The following HOMER2 variants were observed in gnomAD, a reference collection of about 807,000 sequenced individuals.
The protein encoded by HOMER2 is homer scaffold protein 2, also known as homer protein homolog 2.
HOMER2 carries 27 observed loss-of-function variants against 47.0 expected under a neutral mutation model. The observed-to-expected ratio is 0.57, with a 90% confidence interval of 0.42 to 0.79. The LOEUF (loss-of-function observed/expected upper bound fraction) is 0.79, where lower values mean the gene tolerates loss of function less well. Ranked by LOEUF, HOMER2 falls within the 30% of genes least tolerant of loss-of-function variation. HOMER2 has a pLI of 0.00. For missense variants in HOMER2, 443 were observed against 435.0 expected, an observed-to-expected ratio of 1.02 and a Z score of -0.16; for synonymous variants, 161 against 163.8, an observed-to-expected ratio of 0.98 and a Z score of 0.13.
downstream of HOMER2, chr15:82,836,179 TGCTTTTTCCA>T (rs1194019950): frequency 4.6e-5 from 7 of 152,290 alleles, no homozygotes. Context: ...TCCCTTTTCC[TGCTTTTTCCA>T]GCCAAGCCTT....
exon 2 of HOMER2, chr15:82,837,892 T>A (rs1459001931): frequency 6.6e-6 from 1 of 152,212 alleles, no homozygotes; most frequent in East Asian, 1.9e-4. Flanking sequence ...AATGAATGAT[T>A]TAACAGCTGT....
exon 2 of HOMER2, chr15:82,843,305 T>A (rs1387432185): frequency 6.6e-6 from 1 of 151,532 alleles, no homozygotes; most frequent in African/African-American, 2.4e-5. Flanking sequence ...CTGGGCGTGG[T>A]GGCATACACT....
rs373795200 is a variant in HOMER2 at position 82,851,201 on chromosome 15, T to C, written c.793A>G (p.Ile265Val). ...ELKDLRKQSE[I>V]IPQLMSECEY... is the part of the protein sequence containing the mutation. ...CACTCTGACATGAGCTGAGGTATGA[T>C]TTCACTTTGTTTTCGGAGATCTTTC... The change falls in exon 8 of 9, where the codon ATC becomes GTC. Residue 265 changes from isoleucine (I) to valine (V), a missense_variant. By Grantham distance (29) the Ile-to-Val change is conservative. Coordinates refer to ENST00000450735, the MANE Select transcript of HOMER2 (RefSeq NM_004839.4). 98 of 1,567,744 alleles carry C rather than the reference T, an allele frequency of 6.3e-5. No individual in the cohort carries two copies. The East Asian group carries it at 1.5e-3, about 24-fold the overall frequency.
At chr15:82,837,889 G>C (rs1032986888) in exon 2 of HOMER2, 2 of 152,256 alleles carry the variant, frequency 1.3e-5, no homozygotes, top group African/African-American at 4.8e-5. Context: ...ATGAATGAAT[G>C]ATTTAACAGC....
chr15:82,937,773 C>T (rs894498732), intron 1 of HOMER2, among the ~76,000 whole-genome samples: 1 of 152,162 alleles, frequency 6.6e-6, no homozygotes, highest in Non-Finnish European at 1.5e-5. Flanking sequence ...CTGTGGATGG[C>T]AAAGCACTCC....
At chr15:82,890,033 C>T (rs563834757) in intron 2 of HOMER2, among the ~76,000 whole-genome samples, 100 of 152,262 alleles carry the variant, frequency 6.6e-4, no homozygotes, top group African/African-American at 2.4e-3. Flanking sequence ...TCTCTGGTGC[C>T]ACAGCACTAA....
chr15:82,904,290 C>T (rs2053222031), intron 1 of HOMER2, among the ~76,000 whole-genome samples: 1 of 152,140 alleles, frequency 6.6e-6, no homozygotes, highest in Non-Finnish European at 1.5e-5. Flanking sequence ...AAGCAGAGAC[C>T]TCTGTGGAAA....
intron 1 of HOMER2, among the ~76,000 whole-genome samples, chr15:82,975,864 A>G (rs2030182958): frequency 6.6e-6 from 1 of 152,206 alleles, no homozygotes; most frequent in African/African-American, 2.4e-5. Context: ...GTGTAATTGG[A>G]TTGTTTGTAA....
intron 2 of HOMER2, among the ~76,000 whole-genome samples, chr15:82,875,728 C>T (rs973500825): frequency 6.6e-6 from 1 of 152,234 alleles, no homozygotes; most frequent in Non-Finnish European, 1.5e-5. Context: ...AAAGCTGCCA[C>T]GCATCAGAGT....
intron 1 of HOMER2, among the ~76,000 whole-genome samples, chr15:82,977,616 G>A (rs901463803): frequency 1.3e-5 from 2 of 152,170 alleles, no homozygotes; most frequent in Non-Finnish European, 2.9e-5. Context: ...ATGTGTGTCA[G>A]CCTCAGTGCT....
chr15:82,923,447 A>G (rs567156046), intron 1 of HOMER2, among the ~76,000 whole-genome samples: 11 of 149,136 alleles, frequency 7.4e-5, no homozygotes, highest in African/African-American at 2.5e-4. Context: ...AGATCACGCC[A>G]TTGCACTCCA....
chr15:82,938,125 A>T (rs2054181351), intron 1 of HOMER2, among the ~76,000 whole-genome samples: 1 of 152,168 alleles, frequency 6.6e-6, no homozygotes. Flanking sequence ...TAATCCCAGC[A>T]CTTTGGGAGG....
At chr15:82,931,071 C>G (rs2053996939) in intron 1 of HOMER2, among the ~76,000 whole-genome samples, 1 of 151,270 alleles carries the variant, frequency 6.6e-6, no homozygotes, top group Admixed American at 6.6e-5. Flanking sequence ...CCACTGCACT[C>G]TAGCCTGGAC....
rs560838743 is a variant in HOMER2 at position 82,920,363 on chromosome 15, G to A, written c.6-27522C>T. On this transcript the variant is annotated intron_variant, in intron 1 of 8. Coordinates refer to ENST00000450735, the MANE Select transcript of HOMER2 (RefSeq NM_004839.4). ...TGTACCAAATTCCCACAAACTTGGG[G>A]GCTTACATGACAGGAATTTATTTTC... Among the ~76,000 whole-genome samples, 8 of 152,276 alleles carry A rather than the reference G, an allele frequency of 5.3e-5. No individual in the cohort carries two copies. In the East Asian group the frequency reaches 1.5e-3, roughly 29 times the overall value.
At chr15:82,935,298 A>G (rs1803700970) in intron 1 of HOMER2, among the ~76,000 whole-genome samples, 1 of 151,776 alleles carries the variant, frequency 6.6e-6, no homozygotes. Flanking sequence ...CAGTGCTCAA[A>G]CCAATGCCCA....
chr15:82,939,649 G>A (rs2054218921), intron 1 of HOMER2, among the ~76,000 whole-genome samples: 1 of 152,152 alleles, frequency 6.6e-6, no homozygotes, highest in Admixed American at 6.6e-5. Flanking sequence ...CAGCCTGGGT[G>A]AAAGAGCAAG....
intron 3 of HOMER2, among the ~76,000 whole-genome samples, chr15:82,864,792 C>T (rs1322364977): frequency 1.3e-5 from 2 of 152,156 alleles, no homozygotes; most frequent in African/African-American, 2.4e-5. Flanking sequence ...CTTAATAGTT[C>T]CATAATAAAA....
chr15:82,952,931 C>T (rs1469860430), upstream of HOMER2, among the ~76,000 whole-genome samples: 3 of 152,110 alleles, frequency 2.0e-5, no homozygotes, highest in Non-Finnish European at 4.4e-5. Context: ...GGTGCCGGCC[C>T]CGCGTTGGCG....
intron 1 of HOMER2, among the ~76,000 whole-genome samples, chr15:82,969,174 T>A (rs945485917): frequency 7.9e-5 from 12 of 152,192 alleles, no homozygotes; most frequent in African/African-American, 2.9e-4. Flanking sequence ...CTTAATAGCT[T>A]CCTGTAGGAA....
Sources: gnomAD v4.1 joint callset for allele counts (sites outside exome capture counted in the v4.1 genomes callset) on GRCh38, gnomAD v4.1.1 for gene constraint, MANE v1.5 for transcripts, NCBI Gene and HGNC (gene_info 2026-07-23, HGNC 2026-07-21) for gene names.